ERAP1: variants seen among roughly 807,000 people sequenced by gnomAD.
ERAP1 encodes endoplasmic reticulum aminopeptidase 1.
Under a neutral mutation model 103.7 loss-of-function variants are expected in ERAP1, and 86 were observed. The ratio of observed to expected loss-of-function variants is 0.83; its 90% CI spans 0.70 to 0.99. The LOEUF is 0.99. ERAP1 is among the 50% of genes least tolerant of loss of function. The probability of loss-of-function intolerance (pLI) is 0.00; values close to 1 mark genes in which losing one functional copy is unlikely to be tolerated. For synonymous variants in ERAP1, 398 were observed against 402.4 expected (o/e 0.99, Z 0.13); for missense variants, 1,009 against 1,128.4 (o/e 0.89, Z 1.52).
chr5:96,789,491 A>T (rs1349585262), intron 10 of ERAP1, among the ~76,000 whole-genome samples: 1 of 152,020 alleles, frequency 6.6e-6, no homozygotes, highest in African/African-American at 2.4e-5. Flanking sequence ...TGTCTCAAAA[A>T]AAAAAGAATT....
the ERAP1 span, among the ~76,000 whole-genome samples, chr5:96,852,749 A>C: frequency 2.0e-5 from 3 of 152,230 alleles, no homozygotes; most frequent in Non-Finnish European, 4.4e-5. Context: ...TACAATGTTC[A>C]GATGGTAATG....
At chr5:96,932,322 TTAATGTA>T in the ERAP1 span, among the ~76,000 whole-genome samples, 4 of 152,264 alleles carry the variant, frequency 2.6e-5, no homozygotes, top group Non-Finnish European at 5.9e-5. Flanking sequence ...GTTCAATGAA[TTAATGTA>T]TTGTTGCTTA....
At chr5:96,835,228 T>A in the ERAP1 span, among the ~76,000 whole-genome samples, 4 of 152,230 alleles carry the variant, frequency 2.6e-5, no homozygotes, top group Non-Finnish European at 4.4e-5. Flanking sequence ...TAATTGGAGT[T>A]GTCGAGCTGG....
intron 19 of ERAP1, chr5:96,765,092 C>T: frequency 4.5e-6 from 3 of 671,568 alleles, no homozygotes; most frequent in Non-Finnish European, 2.7e-6. Flanking sequence ...TACTCCCCTG[C>T]CCCAGCCCCA....
the ERAP1 span, chr5:96,881,091 A>C: frequency 4.1e-6 from 1 of 241,478 alleles, no homozygotes; most frequent in East Asian, 1.1e-4. Flanking sequence ...GAGAGCGAAC[A>C]AGAGGGAGAA....
chr5:96,920,973 G>C, the ERAP1 span, among the ~76,000 whole-genome samples: 6 of 152,230 alleles, frequency 3.9e-5, no homozygotes, highest in African/African-American at 1.4e-4. Context: ...TTCTGTAGCT[G>C]TCAGTACCAG....
chr5:96,924,590 G>A, the ERAP1 span, among the ~76,000 whole-genome samples: 1 of 151,674 alleles, frequency 6.6e-6, no homozygotes, highest in African/African-American at 2.4e-5. Context: ...AACAATTCGG[G>A]CTAACAGATT....
the ERAP1 span, among the ~76,000 whole-genome samples, chr5:96,824,497 G>T: frequency 6.6e-6 from 1 of 152,098 alleles, no homozygotes. Flanking sequence ...TCTAATCCCT[G>T]TCCATCCTTC....
chr5:96,829,097 C>T, the ERAP1 span, among the ~76,000 whole-genome samples: 482 of 152,326 alleles, frequency 3.2e-3, 3 homozygotes, highest in African/African-American at 0.011. Context: ...CCGCCCGCCT[C>T]GGCCTCCCAA....
chr5:96,847,141 G>C, the ERAP1 span, among the ~76,000 whole-genome samples: 9 of 151,228 alleles, frequency 6.0e-5, no homozygotes, highest in Non-Finnish European at 1.0e-4. Flanking sequence ...CCAGCTACTT[G>C]GGAGGCTGAG....
the ERAP1 span, chr5:96,889,143 G>A: frequency 3.7e-5 from 60 of 1,609,660 alleles, 1 homozygote; most frequent in Admixed American, 9.7e-4. Flanking sequence ...ATTATGCCAG[G>A]GAGCTGTCAT....
At chr5:96,839,920 G>A in the ERAP1 span, among the ~76,000 whole-genome samples, 2 of 152,026 alleles carry the variant, frequency 1.3e-5, no homozygotes, top group Admixed American at 1.3e-4. Flanking sequence ...TCTTCCTGTT[G>A]TACATTCTCA....
intron 19 of ERAP1, among the ~76,000 whole-genome samples, chr5:96,767,639 T>C: frequency 6.6e-6 from 1 of 152,206 alleles, no homozygotes. Context: ...TGTTTACCTC[T>C]CTTTTAGTCT....
the ERAP1 span, among the ~76,000 whole-genome samples, chr5:96,861,964 C>A: frequency 6.6e-6 from 1 of 151,896 alleles, no homozygotes; most frequent in African/African-American, 2.4e-5. Context: ...ACTTGTGAAC[C>A]AAGGTATATT....
At chr5:96,813,070 C>T (rs1356843705), upstream of ERAP1, among the ~76,000 whole-genome samples, 1 of 152,104 alleles carries the variant, frequency 6.6e-6, no homozygotes, top group Non-Finnish European at 1.5e-5. Flanking sequence ...TTATCTTACC[C>T]CTATAAACCT....
intron 15 of ERAP1, 66 bp from the exon 16 acceptor site, chr5:96,781,920 G>GACTA (rs149958925): frequency 0.1 from 150,182 of 1,473,492 alleles, 9,247 homozygotes; most frequent in Non-Finnish European, 0.11. Context: ...GCATAATGGT[G>GACTA]ACTAACTATG....
chr5:96,911,398 A>T, the ERAP1 span, among the ~76,000 whole-genome samples: 2 of 152,216 alleles, frequency 1.3e-5, no homozygotes, highest in Admixed American at 1.3e-4. Flanking sequence ...GCCCACTTAG[A>T]ATAAAAACTG....
chr5:96,805,346 G>GTT (rs368326043), intron 1 of ERAP1, among the ~76,000 whole-genome samples: 6,334 of 118,970 alleles, frequency 0.053, 224 homozygotes, highest in East Asian at 0.16. Context: ...CTGGTTTTTG[G>GTT]TTTTTTTTTT....
the ERAP1 span, chr5:96,879,955 C>G: frequency 6.2e-7 from 1 of 1,614,184 alleles, no homozygotes. Context: ...CCTCTCTGGA[C>G]TTTGTTGCAT....
Sources: allele counts gnomAD v4.1 joint callset (sites outside exome capture counted in the v4.1 genomes callset), GRCh38; gene constraint gnomAD v4.1.1; transcripts MANE v1.5; gene names NCBI Gene and HGNC (gene_info 2026-07-23, HGNC 2026-07-21).